TACR3: variants seen among roughly 807,000 people sequenced by gnomAD.
TACR3 encodes the protein neuromedin-K receptor.
TACR3 carries 34 observed loss-of-function variants against 35.0 expected under a neutral mutation model. The observed-to-expected ratio is 0.97, with a 90% CI of 0.74 to 1.30. TACR3 has a LOEUF of 1.30. Among genes scored for constraint, TACR3 ranks in the 50% most tolerant of loss-of-function variants. The probability of loss-of-function intolerance (pLI) is 0.00; values close to 1 mark genes in which losing one functional copy is unlikely to be tolerated. For missense variants in TACR3, 558 were observed against 591.7 expected (o/e 0.94, Z 0.59); for synonymous variants, 233 against 221.1 (o/e 1.05, Z -0.48).
At chr4:103,664,666 A>C (rs1725901670) in intron 1 of TACR3, among the ~76,000 whole-genome samples, 1 of 152,168 alleles carries the variant, frequency 6.6e-6, no homozygotes, top group South Asian at 2.1e-4. Flanking sequence ...ATGACCCATG[A>C]AGTTTCAACT....
chr4:103,702,550 G>A (rs1300232818), intron 1 of TACR3, among the ~76,000 whole-genome samples: 1 of 151,960 alleles, frequency 6.6e-6, no homozygotes, highest in Non-Finnish European at 1.5e-5. Context: ...CCTATTACTG[G>A]GTATATACCC....
At chr4:103,710,725 C>G (rs958536621) in intron 1 of TACR3, among the ~76,000 whole-genome samples, 1 of 152,088 alleles carries the variant, frequency 6.6e-6, no homozygotes, top group East Asian at 1.9e-4. Flanking sequence ...AAAAGATCAA[C>G]AAAATTGATA....
At chr4:103,619,193 C>T (rs994072864) in intron 3 of TACR3, among the ~76,000 whole-genome samples, 2 of 151,902 alleles carry the variant, frequency 1.3e-5, no homozygotes, top group African/African-American at 2.4e-5. Context: ...GATAGCGTGA[C>T]TTCCTATTTT....
At chr4:103,705,244 A>C (rs920766586) in intron 1 of TACR3, among the ~76,000 whole-genome samples, 1 of 152,208 alleles carries the variant, frequency 6.6e-6, no homozygotes, top group African/African-American at 2.4e-5. Flanking sequence ...ACTAATTGAT[A>C]ATTTTAAACT....
intron 3 of TACR3, among the ~76,000 whole-genome samples, chr4:103,595,383 G>T (rs1723982663): frequency 6.6e-6 from 1 of 152,140 alleles, no homozygotes; most frequent in Admixed American, 6.6e-5. Context: ...AAGGAGGAAA[G>T]TGGGGACATG....
At chr4:103,622,762 C>A (rs868086507) in intron 3 of TACR3, among the ~76,000 whole-genome samples, 3 of 152,094 alleles carry the variant, frequency 2.0e-5, no homozygotes, top group Non-Finnish European at 2.9e-5. Context: ...AAAAAGAATC[C>A]AAAATTCAAT....
intron 1 of TACR3, among the ~76,000 whole-genome samples, chr4:103,673,341 C>T (rs1211774181): frequency 2.0e-5 from 3 of 152,056 alleles, no homozygotes; most frequent in Non-Finnish European, 4.4e-5. Flanking sequence ...ACTCAAATAG[C>T]GAGTGACATT....
intron 1 of TACR3, among the ~76,000 whole-genome samples, chr4:103,687,077 C>T (rs1560531400): frequency 6.6e-6 from 1 of 151,926 alleles, no homozygotes; most frequent in Non-Finnish European, 1.5e-5. Flanking sequence ...CCCTGGGATG[C>T]AAGGCTGGTT....
At chr4:103,655,701 G>T (rs1312811971) in intron 3 of TACR3, among the ~76,000 whole-genome samples, 1 of 151,916 alleles carries the variant, frequency 6.6e-6, no homozygotes, top group African/African-American at 2.4e-5. Context: ...TCAGGGGAAA[G>T]AACACACAGA....
chr4:103,602,834 T>C (rs984442303), intron 3 of TACR3, among the ~76,000 whole-genome samples: 1 of 152,062 alleles, frequency 6.6e-6, no homozygotes, highest in Non-Finnish European at 1.5e-5. Context: ...TACTCGGGGG[T>C]CAGGGAGCCA....
chr4:103,713,357 C>A lies in TACR3; in HGVS notation c.548+5771G>T, dbSNP rs747213234. 2.8e-4 allele frequency among the ~76,000 whole-genome samples: 42 copies of A among 151,248 alleles called. 1 individual carries two copies. The highest frequency in any genetic ancestry group is 1.5e-4 in the Non-Finnish European group (10 of 67,888). ...TGAAGCTGGAAACCATCATTCTCAG[C>A]GAACTATTGCAATGACAAAAAACCA... is the stretch of plus-strand genomic sequence containing the variant. On this transcript the variant is annotated intron_variant, in intron 1 of 4. Coordinates refer to ENST00000304883, the MANE Select transcript of TACR3 (RefSeq NM_001059.3).
rs918061656 is a variant in TACR3 at position 103,586,184 on chromosome 4, C to A, written c.*3498G>T. The A allele has an allele frequency of 1.3e-5, 2 of 151,700 alleles. No individual in the cohort carries two copies. Among genetic ancestry groups the A allele is most frequent in the African/African-American group, 2.4e-5 (1 of 41,310 alleles). 9.4% of individuals were successfully genotyped at this position (151,700 alleles called of 1,614,324 possible). A position where few individuals can be genotyped will look rare whatever the true frequency, so the allele number is the denominator to read the frequency against. ...CTTTATTCACTACAAACTTTATATA[C>A]ATTTACTTCTTATATAAACAGATTT... On this transcript the variant is annotated 3_prime_UTR_variant, in exon 5 of 5. Coordinates refer to ENST00000304883, the MANE Select transcript of TACR3 (RefSeq NM_001059.3).
intron 3 of TACR3, among the ~76,000 whole-genome samples, chr4:103,594,429 G>A (rs879385390): frequency 6.6e-6 from 1 of 152,096 alleles, no homozygotes; most frequent in South Asian, 2.1e-4. Context: ...CACCCACCTC[G>A]GCCTCCCAAA....
At chr4:103,633,448 A>T (rs1353095969) in intron 3 of TACR3, among the ~76,000 whole-genome samples, 1 of 151,942 alleles carries the variant, frequency 6.6e-6, no homozygotes, top group Non-Finnish European at 1.5e-5. Context: ...ATTGGGGTAC[A>T]GGTGGTATTT....
chr4:103,687,665 A>C (rs557721027), intron 1 of TACR3, among the ~76,000 whole-genome samples: 2 of 152,312 alleles, frequency 1.3e-5, no homozygotes, highest in Admixed American at 6.5e-5. Context: ...AAAGAGAATA[A>C]AATACCTAGG....
chr4:103,662,710 A>T (rs1296123198), intron 1 of TACR3, among the ~76,000 whole-genome samples: 1 of 152,184 alleles, frequency 6.6e-6, no homozygotes, highest in Non-Finnish European at 1.5e-5. Context: ...TTGGAAACAG[A>T]TATGTAGGGA....
At chr4:103,608,658 G>T (rs187765450) in intron 3 of TACR3, among the ~76,000 whole-genome samples, 90 of 152,228 alleles carry the variant, frequency 5.9e-4, no homozygotes, top group Middle Eastern at 6.8e-3. Flanking sequence ...CATACTGAAA[G>T]GTGTTTGAAT....
chr4:103,614,076 A>T (rs1157191142), intron 3 of TACR3, among the ~76,000 whole-genome samples: 1 of 152,156 alleles, frequency 6.6e-6, no homozygotes, highest in East Asian at 1.9e-4. Flanking sequence ...TAACATATGA[A>T]TTTTGGTGAT....
Position 103,591,633 on chromosome 4 carries a change from C to A in TACR3, c.939G>T (p.Leu313=). Residue 313 remains leucine, a synonymous_variant, in exon 4 of 5, where the codon CTG becomes CTT. Coordinates refer to ENST00000304883, the MANE Select transcript of TACR3 (RefSeq NM_001059.3). ...TGAGAATGAAGTAAATATGATAGGG[C>A]AGCCAGCAGATAGCAAATGTCATGA... ...IVVMTFAICW[L]PYHIYFILTA... The A allele has an allele frequency of 6.2e-7, 1 of 1,613,602 alleles. No individual in the cohort carries two copies. The highest frequency in any genetic ancestry group is 8.5e-7 in the Non-Finnish European group (1 of 1,179,780).
Sources: gnomAD v4.1 joint callset for allele counts (sites outside exome capture counted in the v4.1 genomes callset) on GRCh38, gnomAD v4.1.1 for gene constraint, MANE v1.5 for transcripts, NCBI Gene and HGNC (gene_info 2026-07-23, HGNC 2026-07-21) for gene names.